Variants in STK3 observed in about 807,000 individuals in gnomAD.
STK3 encodes serine/threonine kinase 3, also known as serine/threonine-protein kinase 3.
STK3 carries 41 observed loss-of-function variants against 58.0 expected under a neutral mutation model. The ratio of observed to expected loss-of-function variants is 0.71; its 90% CI spans 0.55 to 0.92. The LOEUF (loss-of-function observed/expected upper bound fraction) is 0.92, where lower values mean the gene tolerates loss of function less well. Among genes scored for constraint, STK3 ranks in the 40% least tolerant of loss-of-function variants. The pLI is 0.00. For missense variants in STK3, 479 were observed against 602.7 expected (o/e 0.79, Z 2.15); for synonymous variants, 170 against 191.0 (o/e 0.89, Z 0.91).
chr8:98,657,941 T>A (rs557563937), intron 6 of STK3, among the ~76,000 whole-genome samples: 86 of 152,162 alleles, frequency 5.7e-4, no homozygotes, highest in Non-Finnish European at 9.9e-4. Flanking sequence ...TTCCAATAAA[T>A]CTATTGTGTC....
intron 4 of STK3, among the ~76,000 whole-genome samples, chr8:98,708,838 GA>G (rs1363179857): frequency 1.3e-5 from 2 of 151,914 alleles, no homozygotes; most frequent in Non-Finnish European, 2.9e-5. Flanking sequence ...ACAAGAGTGA[GA>G]GGGGCTGTCT....
At chr8:98,396,466 G>A (rs562171070), downstream of STK3, among the ~76,000 whole-genome samples, 1 of 152,318 alleles carries the variant, frequency 6.6e-6, no homozygotes, top group African/African-American at 2.4e-5. Context: ...AAGAGGGGTG[G>A]TTGACGCCAT....
chr8:98,361,749 C>T, the STK3 span, among the ~76,000 whole-genome samples: 1 of 152,180 alleles, frequency 6.6e-6, no homozygotes, highest in Non-Finnish European at 1.5e-5. Context: ...TCACCCCAGG[C>T]ACACCAGCTT....
At chr8:98,499,342 T>C (rs141149710) in intron 10 of STK3, among the ~76,000 whole-genome samples, 17 of 152,346 alleles carry the variant, frequency 1.1e-4, no homozygotes, top group Admixed American at 7.2e-4. Flanking sequence ...AGCCACCAAG[T>C]AAGTCTGTCA....
At chr8:98,649,314 A>G (rs910686152) in intron 6 of STK3, among the ~76,000 whole-genome samples, 1 of 152,110 alleles carries the variant, frequency 6.6e-6, no homozygotes, top group African/African-American at 2.4e-5. Flanking sequence ...TTTGCTGCCA[A>G]TGAGATCCCA....
intron 10 of STK3, among the ~76,000 whole-genome samples, chr8:98,470,104 C>A (rs1376319159): frequency 6.6e-6 from 1 of 152,166 alleles, no homozygotes; most frequent in East Asian, 1.9e-4. Context: ...AGTGAACTTT[C>A]CATTATTAGA....
intron 10 of STK3, among the ~76,000 whole-genome samples, chr8:98,472,654 A>G (rs1821010860): frequency 6.6e-6 from 1 of 152,196 alleles, no homozygotes; most frequent in Non-Finnish European, 1.5e-5. Context: ...CAATTCTCTC[A>G]AAATCTAAGA....
At chr8:98,564,221 C>A (rs1180516652) in intron 8 of STK3, among the ~76,000 whole-genome samples, 1 of 152,064 alleles carries the variant, frequency 6.6e-6, no homozygotes, top group African/African-American at 2.4e-5. Context: ...AAATGTCTAA[C>A]CATTATTACC....
At chr8:98,793,481 T>C (rs555129057) in intron 1 of STK3, among the ~76,000 whole-genome samples, 3 of 152,266 alleles carry the variant, frequency 2.0e-5, no homozygotes, top group Admixed American at 6.5e-5. Context: ...GGAGCCGAAA[T>C]TGTACCACTG....
At chr8:98,690,576 G>A (rs964318966) in intron 6 of STK3, among the ~76,000 whole-genome samples, 1 of 152,036 alleles carries the variant, frequency 6.6e-6, no homozygotes, top group African/African-American at 2.4e-5. Flanking sequence ...AGCATTCCAC[G>A]TTCCCAGGTT....
At chr8:98,405,856 G>A (rs879353204) in intron 3 of STK3, among the ~76,000 whole-genome samples, 5 of 152,128 alleles carry the variant, frequency 3.3e-5, no homozygotes, top group South Asian at 2.1e-4. Context: ...ATCAGATCTC[G>A]TGAGACTTAT....
intron 6 of STK3, among the ~76,000 whole-genome samples, chr8:98,650,867 T>G (rs532395738): frequency 1.2e-3 from 182 of 152,288 alleles, no homozygotes; most frequent in African/African-American, 4.1e-3. Context: ...CCACCACAGC[T>G]CAAGGAGGCC....
At chr8:98,454,227 C>T (rs757556966), downstream of STK3, among the ~76,000 whole-genome samples, 1 of 152,190 alleles carries the variant, frequency 6.6e-6, no homozygotes, top group Non-Finnish European at 1.5e-5. Flanking sequence ...TCTCTCCCCT[C>T]CAGCTACGTG....
At position 98,749,752 on chromosome 8, in the gene STK3, C is replaced by T. The variant is rs62532581; in HGVS notation, c.237-362G>A. Among the ~76,000 whole-genome samples, 3 of 152,116 alleles carry T rather than the reference C, an allele frequency of 2.0e-5. No homozygotes were observed. The East Asian group carries it at 5.8e-4, about 29-fold the overall frequency. On this transcript the variant is annotated intron_variant, in intron 3 of 10. Coordinates refer to ENST00000419617, the MANE Select transcript of STK3 (RefSeq NM_006281.4). ...TCTTCTAAAGGATTTTGCATTCAGT[C>T]AAATATTAATCAACTCGAAAATAAT...
At chr8:98,759,494 A>G (rs1192714950) in intron 3 of STK3, among the ~76,000 whole-genome samples, 1 of 152,210 alleles carries the variant, frequency 6.6e-6, no homozygotes, top group African/African-American at 2.4e-5. Context: ...ACAGATCACC[A>G]TAACAGATAT....
At chr8:98,689,727 G>A (rs1428982919) in intron 6 of STK3, among the ~76,000 whole-genome samples, 2 of 152,044 alleles carry the variant, frequency 1.3e-5, no homozygotes, top group East Asian at 1.9e-4. Flanking sequence ...AGGCTGCAGT[G>A]AGCCATGACT....
At chr8:98,727,443 T>C (rs1053691757) in intron 4 of STK3, among the ~76,000 whole-genome samples, 1 of 152,184 alleles carries the variant, frequency 6.6e-6, no homozygotes, top group Non-Finnish European at 1.5e-5. Context: ...TGTGAACAAA[T>C]AAATTCCCTC....
chr8:98,832,735 T>C (rs1835585350), intron 3 of STK3, among the ~76,000 whole-genome samples: 1 of 152,100 alleles, frequency 6.6e-6, no homozygotes, highest in African/African-American at 2.4e-5. Context: ...GCCTAGGATT[T>C]AATTTCTATT....
chr8:98,431,749 C>G (rs1430106701), intron 3 of STK3: 1 of 167,124 alleles, frequency 6.0e-6, no homozygotes, highest in Non-Finnish European at 1.5e-5. Context: ...AGCTGGAAAA[C>G]TTGACTTTTC....
Sources: gnomAD v4.1 joint callset for allele counts (sites outside exome capture counted in the v4.1 genomes callset) on GRCh38, gnomAD v4.1.1 for gene constraint, MANE v1.5 for transcripts, NCBI Gene and HGNC (gene_info 2026-07-23, HGNC 2026-07-21) for gene names.